Variants in PIGF observed in about 807,000 individuals in gnomAD.
PIGF encodes GPI ethanolamine phosphate transferase, stabilizing subunit.
PIGF carries 23 observed loss-of-function variants against 26.0 expected under a neutral mutation model. The observed-to-expected ratio is 0.88, with a 90% confidence interval of 0.64 to 1.25. The LOEUF is 1.25. PIGF is among the 50% of genes most tolerant of loss of function. The probability of loss-of-function intolerance (pLI) is 0.00; values close to 1 mark genes in which losing one functional copy is unlikely to be tolerated. For missense variants in PIGF, 278 were observed against 249.9 expected (o/e 1.11, Z -0.76); for synonymous variants, 93 against 92.6 (o/e 1.00, Z -0.03).
intron 5 of PIGF, among the ~76,000 whole-genome samples, chr2:46,587,091 G>A (rs539385939): frequency 5.9e-5 from 9 of 152,292 alleles, no homozygotes; most frequent in East Asian, 3.9e-4. Flanking sequence ...CGATGAACAC[G>A]CCTTTTCAAT....
chr2:46,607,428 C>G (rs1011406257), intron 4 of PIGF, among the ~76,000 whole-genome samples: 2 of 152,144 alleles, frequency 1.3e-5, no homozygotes, highest in African/African-American at 4.8e-5. Flanking sequence ...CAGAATAAAG[C>G]AAATTGTACA....
In PIGF at chr2:46,608,888, A is replaced by G. The variant is rs535378516; in HGVS notation, c.437+3340T>C. On this transcript the variant is annotated intron_variant, in intron 4 of 5. Transcript: ENST00000281382. ...GTTGTTCCATTGACAGTATATAGGC[A>G]AAGTAGATTTAGCATAATTCTTAAG... 1.1e-3 allele frequency among the ~76,000 whole-genome samples: 171 copies of G among 152,300 alleles called. 2 individuals carry two copies. Among genetic ancestry groups the G allele is most frequent in the African/African-American group, 4.0e-3 (165 of 41,574 alleles).
chr2:46,606,486 A>C (rs1670226454), intron 4 of PIGF, among the ~76,000 whole-genome samples: 1 of 152,150 alleles, frequency 6.6e-6, no homozygotes, highest in African/African-American at 2.4e-5. Flanking sequence ...GTGTGGGTTA[A>C]ATTTATCCTA....
Position 46,612,346 on chromosome 2 carries a change from T to C in PIGF, c.321-2A>G. On this transcript the variant is annotated splice_acceptor_variant, in intron 3 of 5. Transcript: ENST00000281382. LOFTEE classifies it high-confidence loss of function. ...AATAAAAATGTTTCCAATGCCAACC[T>C]AGAAAAAAAAAAAGATTACTTTTTA... The C allele has an allele frequency of 2.6e-6, 3 of 1,135,142 alleles. No individual in the cohort carries two copies. Among genetic ancestry groups the C allele is most frequent in the South Asian group, 1.6e-5 (1 of 63,128 alleles). 70.3% of individuals were successfully genotyped at this position (1,135,142 alleles called of 1,614,324 possible).
chr2:46,594,158 G>A (rs1669809426), intron 4 of PIGF, among the ~76,000 whole-genome samples: 1 of 152,208 alleles, frequency 6.6e-6, no homozygotes, highest in African/African-American at 2.4e-5. Flanking sequence ...CAAGTTCAAT[G>A]TAAAGGGAAT....
At position 46,588,859 on chromosome 2, in the gene PIGF, AC is replaced by A. The variant is rs1669653213; in HGVS notation, c.546+3615del. ...TTAAGTATCTGTTGTACTTACTTAC[AC>A]AGAACATATGCTATGCATACAGTAA... On this transcript the variant is annotated intron_variant, in intron 5 of 5. Transcript: ENST00000281382. The surrounding 1 kb of genome is among the most constrained non-coding windows in gnomAD (Gnocchi z 4.1). 6.6e-6 allele frequency among the ~76,000 whole-genome samples: 1 copy of A among 152,170 alleles called. No homozygotes were observed. The highest frequency in any genetic ancestry group is 1.5e-5 in the Non-Finnish European group (1 of 67,992).
intron 4 of PIGF, among the ~76,000 whole-genome samples, chr2:46,607,998 G>A (rs899875812): frequency 3.3e-5 from 5 of 152,034 alleles, no homozygotes; most frequent in Non-Finnish European, 7.4e-5. Flanking sequence ...GCGCCCAGCC[G>A]GCAATTTCTT....
At chr2:46,602,759 TA>T (rs1484779499) in intron 4 of PIGF, among the ~76,000 whole-genome samples, 1 of 151,938 alleles carries the variant, frequency 6.6e-6, no homozygotes, top group Non-Finnish European at 1.5e-5. Flanking sequence ...TCTAAATTAT[TA>T]TTGAGTAGGA....
chr2:46,605,959 T>C (rs775679227), intron 4 of PIGF, among the ~76,000 whole-genome samples: 11 of 152,228 alleles, frequency 7.2e-5, no homozygotes, highest in Non-Finnish European at 1.3e-4. Context: ...TTTCACATTA[T>C]AAATTGATAA....
At chr2:46,592,409 T>C in intron 5 of PIGF, 66 bp downstream of exon 5, 1 of 828,780 alleles carries the variant, frequency 1.2e-6, no homozygotes. Flanking sequence ...CACACTAGTT[T>C]GCTTCATCTG....
intron 5 of PIGF, among the ~76,000 whole-genome samples, chr2:46,586,370 A>C (rs2104065154): frequency 6.6e-6 from 1 of 152,348 alleles, no homozygotes; most frequent in South Asian, 2.1e-4. Context: ...CAGCAGTTAA[A>C]GGTGTAAACT....
In PIGF at chr2:46,581,316, G is replaced by A. The variant is rs1475507667; in HGVS notation, c.*162C>T. 1.8e-5 allele frequency: 20 copies of A among 1,085,882 alleles called. No individual in the cohort carries two copies. Among genetic ancestry groups the A allele is most frequent in the Non-Finnish European group, 2.5e-5 (19 of 769,106 alleles). The allele number at this position is 1,085,882 out of a possible 1,614,324, so 67.3% of individuals were successfully genotyped here. On this transcript the variant is annotated 3_prime_UTR_variant, in exon 6 of 6. Transcript: ENST00000281382. Reference sequence around the variant, plus strand: ...ATAAATACTTTATTTCAACTAGAAGGTACAATCTCTCAGGGGTTTCATAGT... The same window carrying A: ...ATAAATACTTTATTTCAACTAGAAGATACAATCTCTCAGGGGTTTCATAGT...
intron 4 of PIGF, among the ~76,000 whole-genome samples, chr2:46,605,995 T>C (rs1234062837): frequency 6.6e-6 from 1 of 152,214 alleles, no homozygotes; most frequent in Non-Finnish European, 1.5e-5. Context: ...CTCTGGAGAC[T>C]AGGCTGTTCT....
intron 5 of PIGF, among the ~76,000 whole-genome samples, chr2:46,583,306 T>A (rs980346299): frequency 6.6e-6 from 1 of 152,200 alleles, no homozygotes; most frequent in African/African-American, 2.4e-5. Context: ...TGGGATTTGG[T>A]TTCCTCATTA....
At chr2:46,616,854 A>G (rs1056403294) in intron 1 of PIGF, 116 bp downstream of exon 1, 2 of 307,712 alleles carry the variant, frequency 6.5e-6, no homozygotes, top group Non-Finnish European at 1.2e-5. Context: ...AGTGGCGCTG[A>G]GCTGACGGCG....
chr2:46,610,912 C>T (rs1670393865), intron 4 of PIGF, among the ~76,000 whole-genome samples: 2 of 152,164 alleles, frequency 1.3e-5, no homozygotes, highest in South Asian at 4.1e-4. Context: ...TCTCATTGGG[C>T]TGTTACCTTT....
At chr2:46,605,633 G>C (rs1238872530) in intron 4 of PIGF, among the ~76,000 whole-genome samples, 1 of 152,094 alleles carries the variant, frequency 6.6e-6, no homozygotes, top group Non-Finnish European at 1.5e-5. Context: ...TAAGTAGCTT[G>C]TCTAAGATCA....
chr2:46,590,883 T>C (rs1669703588), intron 5 of PIGF, among the ~76,000 whole-genome samples: 1 of 152,162 alleles, frequency 6.6e-6, no homozygotes, highest in Non-Finnish European at 1.5e-5. Flanking sequence ...ATCAGACCTA[T>C]TAAACATGAA....
Position 46,580,951 on chromosome 2 carries a change from A to G in PIGF, c.*527T>C, listed in dbSNP as rs1669343096. On this transcript the variant is annotated 3_prime_UTR_variant, in exon 6 of 6. Transcript: ENST00000281382. ...AGATAGGAGCATGCTGCTATGTGGA[A>G]TGTTCAGCTTTAACCCAGAAGGGAT... is the stretch of plus-strand genomic sequence containing the variant. The G allele has an allele frequency of 6.5e-7, 1 of 1,533,040 alleles. No homozygotes were observed. 95.0% of individuals were successfully genotyped at this position (1,533,040 alleles called of 1,614,324 possible). A position where few individuals can be genotyped will look rare whatever the true frequency, so the allele number is the denominator to read the frequency against.
Sources: allele counts gnomAD v4.1 joint callset (sites outside exome capture counted in the v4.1 genomes callset), GRCh38; gene constraint gnomAD v4.1.1; non-coding constraint Gnocchi (gnomAD v3.1); transcripts MANE v1.5; gene names NCBI Gene and HGNC (gene_info 2026-07-23, HGNC 2026-07-21).